GAB3: variants seen among roughly 807,000 people sequenced by gnomAD.
GAB3 encodes the protein GRB2 associated binding protein 3, also known as GRB2-associated-binding protein 3.
A neutral mutation model predicts 40.4 loss-of-function variants in GAB3; 12 were observed. The ratio of observed to expected loss-of-function variants is 0.30; its 90% CI spans 0.19 to 0.48. GAB3 has a LOEUF of 0.48. Among genes scored for constraint, GAB3 ranks in the 20% least tolerant of loss-of-function variants. The pLI is 0.99. For missense variants in GAB3, 381 were observed against 461.9 expected (o/e 0.82, Z 1.61); for synonymous variants, 154 against 176.7 (o/e 0.87, Z 1.02).
rs143312473 is a variant in GAB3, at chrX:154,725,348, C to T, written c.73-9019G>A. Among the ~76,000 whole-genome samples, 164 of 112,015 alleles carry T rather than the reference C, an allele frequency of 1.5e-3. 1 individual carries two copies. Among genetic ancestry groups the T allele is most frequent in the African/African-American group, 5.1e-3 (158 of 30,840 alleles). ...CTTCCAGCCACATTAGTGTACTGGA[C>T]ACTGAACTTGCCTCCTACCCATAAA... is the stretch of plus-strand genomic sequence containing the variant. On this transcript the variant is annotated intron_variant, in intron 1 of 9. Coordinates refer to ENST00000424127, the MANE Select transcript of GAB3 (RefSeq NM_001081573.3).
intron 1 of GAB3, 70 bp from the exon 2 acceptor site, chrX:154,716,399 C>A (rs2071047153): frequency 2.0e-6 from 2 of 984,382 alleles, no homozygotes; most frequent in African/African-American, 3.8e-5. Context: ...TGCCAAGAAC[C>A]CATGTCATGA....
intron 1 of GAB3, among the ~76,000 whole-genome samples, chrX:154,721,572 C>A (rs2071133096): frequency 8.9e-6 from 1 of 112,248 alleles, no homozygotes; most frequent in African/African-American, 3.2e-5. Context: ...AAAGGTCCCA[C>A]CTCCCAACAC....
chrX:154,732,623 G>C (rs189488493), intron 1 of GAB3, among the ~76,000 whole-genome samples: 29 of 111,899 alleles, frequency 2.6e-4, no homozygotes, highest in African/African-American at 9.4e-4. Flanking sequence ...AGAAATGCTT[G>C]AAACACCTAA....
chrX:154,718,900 G>C (rs976229325), intron 1 of GAB3, among the ~76,000 whole-genome samples: 1 of 112,257 alleles, frequency 8.9e-6, no homozygotes, highest in Admixed American at 9.4e-5. Context: ...TAGTGTTATG[G>C]AGACAATAGA....
intron 2 of GAB3, among the ~76,000 whole-genome samples, chrX:154,714,014 T>C (rs1428896689): frequency 2.8e-5 from 3 of 107,625 alleles, no homozygotes; most frequent in Non-Finnish European, 5.8e-5. Context: ...AAGAGTCCTG[T>C]TCATCACTGT....
chrX:154,691,449 A>G (rs2070566178), intron 8 of GAB3, among the ~76,000 whole-genome samples: 1 of 111,523 alleles, frequency 9.0e-6, no homozygotes, highest in African/African-American at 3.3e-5. Flanking sequence ...GAAAAAAAAG[A>G]ACAAAATACT....
In GAB3 at chrX:154,697,149, C is replaced by G. The variant is rs1557250918; in HGVS notation, c.1410G>C (p.Arg470Ser). 7.5e-6 allele frequency: 9 copies of G among 1,205,529 alleles called. No homozygotes were observed. Among genetic ancestry groups the G allele is most frequent in the Non-Finnish European group, 1.0e-5 (9 of 892,220 alleles). ...AGTCTTACCAAGGCACAGTGCGGGT[C>G]CTGGTAAGAGATGCATGTTCCCGGA... ...SIIREHASLT[R>S]TRTVPCSRTS... The change falls in exon 7 of 10, where the codon AGG becomes AGC. Residue 470 changes from arginine to serine, a missense_variant. This residue lies in a region of GAB3 where 364 missense variants were observed against 421.0 expected (regional missense o/e 0.86). Coordinates refer to ENST00000424127, the MANE Select transcript of GAB3 (RefSeq NM_001081573.3).
chrX:154,707,373 A>G (rs1277179157), intron 4 of GAB3, among the ~76,000 whole-genome samples: 5 of 112,486 alleles, frequency 4.4e-5, no homozygotes, highest in Middle Eastern at 4.6e-3. Flanking sequence ...AATGATAATT[A>G]TATTAGGTAA....
At chrX:154,709,260 TGTGA>T (rs1382459157) in intron 4 of GAB3, among the ~76,000 whole-genome samples, 1 of 110,799 alleles carries the variant, frequency 9.0e-6, no homozygotes, top group African/African-American at 3.3e-5. Context: ...CCTGTGGAAC[TGTGA>T]GTGAGTCAAT....
chrX:154,717,697 A>G (rs782201699), intron 1 of GAB3, among the ~76,000 whole-genome samples: 1 of 111,766 alleles, frequency 8.9e-6, no homozygotes, highest in South Asian at 3.7e-4. Context: ...GGCTCAGTAC[A>G]AAGAAAGGGT....
chrX:154,679,656 G>A (rs782090319), intron 9 of GAB3, among the ~76,000 whole-genome samples: 19 of 111,721 alleles, frequency 1.7e-4, no homozygotes, highest in Non-Finnish European at 3.6e-4. Context: ...TGACATAAGT[G>A]TTGTCATTTC....
At chrX:154,700,111 A>G in intron 4 of GAB3, 52 bp from the exon 5 acceptor site, 2 of 1,017,300 alleles carry the variant, frequency 2.0e-6, no homozygotes, top group Non-Finnish European at 2.8e-6. Flanking sequence ...ATCAACTGAA[A>G]CTAGAGTCCA....
chrX:154,682,016 T>C (rs1015992354), intron 8 of GAB3, among the ~76,000 whole-genome samples: 5 of 112,337 alleles, frequency 4.5e-5, no homozygotes, highest in Non-Finnish European at 1.9e-5. Context: ...TTTCCACTTA[T>C]TTCATTCTCC....
intron 4 of GAB3, among the ~76,000 whole-genome samples, chrX:154,701,590 C>T (rs2070740653): frequency 1.8e-5 from 2 of 111,891 alleles, no homozygotes; most frequent in Admixed American, 9.5e-5. Context: ...GAGTGAGGCT[C>T]CTCTGCCTTA....
At chrX:154,749,629 C>A (rs1435053776) in intron 1 of GAB3, among the ~76,000 whole-genome samples, 4 of 112,548 alleles carry the variant, frequency 3.6e-5, no homozygotes, top group African/African-American at 1.3e-4. Context: ...TTAGAGAAAT[C>A]TCAGTATTTA....
chrX:154,736,264 A>T (rs1159584302), intron 1 of GAB3, among the ~76,000 whole-genome samples: 1 of 112,636 alleles, frequency 8.9e-6, no homozygotes, highest in Admixed American at 9.3e-5. Flanking sequence ...AGCAGTTTTG[A>T]TGGAGTGGTG....
intron 1 of GAB3, among the ~76,000 whole-genome samples, chrX:154,728,898 G>T (rs1393294430): frequency 8.9e-6 from 1 of 112,290 alleles, no homozygotes; most frequent in Non-Finnish European, 1.9e-5. Context: ...TCTTTGTGAT[G>T]GAACAGTTCA....
chrX:154,740,517 A>G (rs781893387), intron 1 of GAB3, among the ~76,000 whole-genome samples: 6 of 111,963 alleles, frequency 5.4e-5, no homozygotes, highest in Non-Finnish European at 7.5e-5. Context: ...GACAAAACAC[A>G]AAATCTTCAT....
intron 1 of GAB3, among the ~76,000 whole-genome samples, chrX:154,725,225 A>T (rs2071195765): frequency 9.0e-6 from 1 of 111,264 alleles, no homozygotes; most frequent in South Asian, 3.8e-4. Flanking sequence ...TCTCTTGTCT[A>T]AGCCACCCAG....
Sources: allele counts gnomAD v4.1 joint callset (sites outside exome capture counted in the v4.1 genomes callset), GRCh38; gene constraint gnomAD v4.1.1; regional missense constraint gnomAD v4.1.1; transcripts MANE v1.5; gene names NCBI Gene and HGNC (gene_info 2026-07-23, HGNC 2026-07-21).